The following SNX29 variants were observed in gnomAD, a reference collection of about 807,000 sequenced individuals.
SNX29 encodes sorting nexin 29.
A neutral mutation model predicts 102.1 loss-of-function variants in SNX29; 78 were observed. The observed-to-expected ratio is 0.76, with a 90% CI of 0.64 to 0.92. The LOEUF (loss-of-function observed/expected upper bound fraction) is 0.92, where lower values mean the gene tolerates loss of function less well. Ranked by LOEUF, SNX29 falls within the 40% of genes least tolerant of loss-of-function variation. The pLI, the probability that SNX29 is intolerant of heterozygous loss-of-function variation, is 0.00. For missense variants in SNX29, 1,280 were observed against 1,061.7 expected (o/e 1.21, Z -2.86); for synonymous variants, 580 against 414.5 (o/e 1.40, Z -4.85).
chr16:12,572,132 A>T lies in SNX29; in HGVS notation c.*3503A>T. The T allele has an allele frequency of 2.0e-6, 2 of 1,019,368 alleles. No individual in the cohort carries two copies. The highest frequency in any genetic ancestry group is 2.4e-6 in the Non-Finnish European group (2 of 837,854). The allele number at this position is 1,019,368 out of a possible 1,614,324, so 63.1% of individuals were successfully genotyped here. A position where few individuals can be genotyped will look rare whatever the true frequency, so the allele number is the denominator to read the frequency against. On this transcript the variant is annotated 3_prime_UTR_variant, in exon 21 of 21. Transcript: ENST00000566228. The stretch of plus-strand genomic sequence containing the variant: ...TGATCACAGCCCTTGGCCCTGCTTC[A>T]TACTTTGGAGCTTATTAAGATCAAT...
intron 15 of SNX29, among the ~76,000 whole-genome samples, chr16:12,325,496 A>T (rs1297497643): frequency 6.6e-6 from 1 of 152,208 alleles, no homozygotes; most frequent in African/African-American, 2.4e-5. Flanking sequence ...GGTTGTGACA[A>T]GCATTTTATA....
chr16:12,552,815 A>T (rs540373663), intron 20 of SNX29, among the ~76,000 whole-genome samples: 2 of 152,308 alleles, frequency 1.3e-5, no homozygotes, highest in South Asian at 4.1e-4. Context: ...GAGAACAGCC[A>T]ACAGTGTGAC....
intron 14 of SNX29, among the ~76,000 whole-genome samples, chr16:12,210,129 T>C (rs1470524283): frequency 6.6e-6 from 1 of 152,170 alleles, no homozygotes; most frequent in East Asian, 1.9e-4. Context: ...GGGCCTGTCA[T>C]CCCACTACGT....
intron 14 of SNX29, among the ~76,000 whole-genome samples, chr16:12,203,236 C>T (rs1407865282): frequency 6.6e-6 from 1 of 151,120 alleles, no homozygotes; most frequent in African/African-American, 2.4e-5. Context: ...CTCGGGTGGA[C>T]TGGTGGTATT....
intron 18 of SNX29, among the ~76,000 whole-genome samples, chr16:12,420,264 G>A (rs1364183188): frequency 6.6e-6 from 1 of 152,220 alleles, no homozygotes; most frequent in African/African-American, 2.4e-5. Context: ...CAACTGAAAT[G>A]AATAAAGAAA....
chr16:12,182,702 G>A (rs2076415837), intron 13 of SNX29, among the ~76,000 whole-genome samples: 2 of 152,154 alleles, frequency 1.3e-5, no homozygotes, highest in Admixed American at 6.5e-5. Context: ...CGCTGAGGCG[G>A]GTGGATCACT....
intron 14 of SNX29, among the ~76,000 whole-genome samples, chr16:12,241,038 T>C (rs1056580214): frequency 3.9e-5 from 6 of 152,234 alleles, no homozygotes; most frequent in African/African-American, 1.2e-4. Flanking sequence ...CCGTTTGTAG[T>C]ATGCGTGATT....
At chr16:12,437,801 G>A (rs936867346) in intron 18 of SNX29, among the ~76,000 whole-genome samples, 1 of 152,076 alleles carries the variant, frequency 6.6e-6, no homozygotes, top group Non-Finnish European at 1.5e-5. Context: ...GTCTTTTTCG[G>A]CTGCACCATC....
rs1260765999 is a variant in SNX29 at position 12,513,325 on chromosome 16, C to CCTTG, written c.2179-11376_2179-11375insTTGC. On this transcript the variant is annotated intron_variant, in intron 19 of 20. Coordinates refer to ENST00000566228, the MANE Select transcript of SNX29 (RefSeq NM_032167.5). ...CCCTCCTCTCCCCTTCTCTCCCTTC[C>CCTTG]CCTGCCTGCCCTGCCCTGCCCTGCT... Among the ~76,000 whole-genome samples, 448 of 143,420 alleles carry CCTTG rather than the reference C, an allele frequency of 3.1e-3. 6 individuals are homozygous for CCTTG. The highest frequency in any genetic ancestry group is 0.011 in the African/African-American group (417 of 37,388). The allele number at this position is 143,420 out of a possible 152,430, so 94.1% of individuals were successfully genotyped here. A position where few individuals can be genotyped will look rare whatever the true frequency, so the allele number is the denominator to read the frequency against.
chr16:12,220,003 T>C (rs73504117), intron 14 of SNX29, among the ~76,000 whole-genome samples: 4,594 of 152,360 alleles, frequency 0.03, 224 homozygotes, highest in African/African-American at 0.11. Context: ...TCTGTGTCCC[T>C]GACTGAGTGT....
chr16:12,555,292 C>T (rs146371332), intron 20 of SNX29, among the ~76,000 whole-genome samples: 82 of 151,472 alleles, frequency 5.4e-4, no homozygotes, highest in Admixed American at 1.4e-3. Context: ...AGCAGGGGTG[C>T]TGTCCAGTCA....
intron 16 of SNX29, among the ~76,000 whole-genome samples, chr16:12,395,601 G>T (rs1048842642): frequency 5.3e-5 from 8 of 152,158 alleles, no homozygotes; most frequent in African/African-American, 1.9e-4. Flanking sequence ...TCAGGGAGAG[G>T]TGAATAGAGA....
intron 13 of SNX29, among the ~76,000 whole-genome samples, chr16:12,141,502 A>G (rs2054868202): frequency 6.6e-6 from 1 of 152,278 alleles, no homozygotes; most frequent in Admixed American, 6.5e-5. Flanking sequence ...CCGCAGACAG[A>G]GCAGCGGCAT....
intron 18 of SNX29, among the ~76,000 whole-genome samples, chr16:12,406,825 C>G (rs146948561): frequency 0.015 from 2,316 of 152,292 alleles, 44 homozygotes; most frequent in Non-Finnish European, 0.026. Context: ...AGGACAATCG[C>G]TTGAACCTGG....
At chr16:12,356,980 G>T (rs12103039) in intron 16 of SNX29, among the ~76,000 whole-genome samples, 8,576 of 152,264 alleles carry the variant, frequency 0.056, 397 homozygotes, top group African/African-American at 0.12. Context: ...GCTTGGTTCT[G>T]TAGTTCTCTG....
chr16:12,233,325 A>G (rs1234605989), intron 14 of SNX29, among the ~76,000 whole-genome samples: 2 of 152,206 alleles, frequency 1.3e-5, no homozygotes, highest in Non-Finnish European at 2.9e-5. Flanking sequence ...TCCTAAGCAA[A>G]TTAGTGCCCC....
chr16:12,091,674 G>A (rs972577523), intron 11 of SNX29, among the ~76,000 whole-genome samples: 5 of 150,800 alleles, frequency 3.3e-5, no homozygotes, highest in Admixed American at 1.3e-4. Flanking sequence ...CCAGCTACTT[G>A]GAAGTGAGCC....
chr16:12,032,928 C>T lies in SNX29; in HGVS notation c.247+5484C>T, dbSNP rs187044338. On this transcript the variant is annotated intron_variant, in intron 4 of 20. Transcript: ENST00000566228. ...CCCAGGCTGGAGTGTGATCTTGGCTCACTGTAGCCTCCACCCCCCAGGTTC... is the reference window on the plus strand; with the variant it reads ...CCCAGGCTGGAGTGTGATCTTGGCTTACTGTAGCCTCCACCCCCCAGGTTC... Among the ~76,000 whole-genome samples the T allele has an allele frequency of 4.4e-3, 674 of 152,174 alleles. 3 individuals carry two copies. The highest frequency in any genetic ancestry group is 6.3e-3 in the Non-Finnish European group (427 of 68,006).
intron 20 of SNX29, among the ~76,000 whole-genome samples, chr16:12,562,489 A>G (rs1422348881): frequency 6.6e-6 from 1 of 152,220 alleles, no homozygotes; most frequent in South Asian, 2.1e-4. Context: ...AGTCCTAGAA[A>G]GGAGCATCGT....
Sources: allele counts gnomAD v4.1 joint callset (sites outside exome capture counted in the v4.1 genomes callset), GRCh38; gene constraint gnomAD v4.1.1; transcripts MANE v1.5; gene names NCBI Gene and HGNC (gene_info 2026-07-23, HGNC 2026-07-21).